PCDHA4: variants seen among roughly 807,000 people sequenced by gnomAD.
PCDHA4 encodes the protein protocadherin alpha-4.
Under a neutral mutation model 61.4 loss-of-function variants are expected in PCDHA4, and 49 were observed. The ratio of observed to expected loss-of-function variants is 0.80; its 90% CI spans 0.63 to 1.01. The LOEUF (loss-of-function observed/expected upper bound fraction) is 1.01. Ranked by LOEUF, PCDHA4 falls within the 50% of genes least tolerant of loss-of-function variation. The pLI is 0.00. For synonymous variants in PCDHA4, 590 were observed against 550.3 expected, an observed-to-expected ratio of 1.07 and a Z score of -1.01; for missense variants, 1,254 against 1,235.8, an observed-to-expected ratio of 1.01 and a Z score of -0.22.
chr5:140,816,854 G>A (rs1273778767), intron 1 of PCDHA4: 8 of 151,924 alleles, frequency 5.3e-5, no homozygotes, highest in Non-Finnish European at 7.4e-5. Flanking sequence ...TGTACTGTGG[G>A]CCCTCTGGAG....
intron 3 of PCDHA4, among the ~76,000 whole-genome samples, chr5:140,991,953 G>A (rs545142966): frequency 3.9e-5 from 6 of 152,110 alleles, no homozygotes; most frequent in Non-Finnish European, 8.8e-5. Context: ...TTAGAATGCA[G>A]TCATTTTGGT....
chr5:140,869,043 A>G, intron 1 of PCDHA4: 2 of 1,530,132 alleles, frequency 1.3e-6, no homozygotes, highest in Non-Finnish European at 1.8e-6. Flanking sequence ...TTAACCTGAA[A>G]CTGAAGAATC....
At chr5:140,825,219 T>C (rs1394131939) in intron 1 of PCDHA4, 1 of 151,646 alleles carries the variant, frequency 6.6e-6, no homozygotes, top group East Asian at 1.9e-4. Flanking sequence ...AGTAGATTTG[T>C]TTTTCTTTTA....
chr5:140,985,975 G>A (rs2097182023), intron 3 of PCDHA4, among the ~76,000 whole-genome samples: 2 of 152,148 alleles, frequency 1.3e-5, no homozygotes, highest in South Asian at 2.1e-4. Flanking sequence ...TCCTGACCTC[G>A]TGATCCGCCC....
At chr5:140,884,461 G>C in intron 1 of PCDHA4, 3 of 1,613,764 alleles carry the variant, frequency 1.9e-6, no homozygotes, top group Non-Finnish European at 2.5e-6. Context: ...CCGAGGGCGC[G>C]TGCGCGCCGG....
intron 1 of PCDHA4, among the ~76,000 whole-genome samples, chr5:140,975,429 C>T (rs1006180121): frequency 2.6e-5 from 4 of 152,208 alleles, no homozygotes; most frequent in African/African-American, 9.6e-5. Flanking sequence ...AGGGTGTGCA[C>T]ACCAGGATAT....
intron 1 of PCDHA4, among the ~76,000 whole-genome samples, chr5:140,957,828 G>A (rs554121251): frequency 6.0e-5 from 9 of 150,668 alleles, no homozygotes; most frequent in Non-Finnish European, 1.2e-4. Context: ...AAGAGAAAGT[G>A]TTAATTGATT....
chr5:140,871,692 C>A, intron 1 of PCDHA4: 2 of 997,190 alleles, frequency 2.0e-6, no homozygotes, highest in Non-Finnish European at 2.9e-6. Flanking sequence ...AATCTGGCTT[C>A]TTTAACCAAT....
At chr5:140,890,697 C>G (rs1479609896) in intron 1 of PCDHA4, among the ~76,000 whole-genome samples, 1 of 152,124 alleles carries the variant, frequency 6.6e-6, no homozygotes, top group Non-Finnish European at 1.5e-5. Context: ...ATGCAGGGAC[C>G]TTACATTTTT....
chr5:141,001,324 C>G (rs1455380423), intron 3 of PCDHA4, among the ~76,000 whole-genome samples: 2 of 152,154 alleles, frequency 1.3e-5, no homozygotes, highest in Non-Finnish European at 1.5e-5. Flanking sequence ...TGCCAAACAT[C>G]ACCATAATTT....
In PCDHA4 at chr5:140,855,846, C is replaced by T. The variant is rs112115141; in HGVS notation, c.2385+46274C>T. ...CATGGAATCGTACTTACACCTAAAG[C>T]CACCGGATGTCGCTGTCGTCCACAA... is the stretch of plus-strand genomic sequence containing the variant. On this transcript the variant is annotated intron_variant, in intron 1 of 3. Coordinates refer to ENST00000530339, the MANE Select transcript of PCDHA4 (RefSeq NM_018907.4). The T allele has an allele frequency of 3.0e-3, 1,971 of 647,788 alleles. 109 individuals are homozygous for T. In the African/African-American group the frequency reaches 0.032, roughly 11 times the overall value. The allele number at this position is 647,788 out of a possible 1,614,324, so 40.1% of individuals were successfully genotyped here.
intron 1 of PCDHA4, chr5:140,969,117 A>C (rs1554231477): frequency 6.2e-7 from 1 of 1,614,178 alleles, no homozygotes; most frequent in Admixed American, 1.7e-5. Flanking sequence ...GTTCGAGGGA[A>C]TGGCTCCCTC....
intron 1 of PCDHA4, chr5:140,884,546 T>C (rs1554181711): frequency 6.2e-7 from 1 of 1,614,082 alleles, no homozygotes; most frequent in Non-Finnish European, 8.5e-7. Flanking sequence ...GAGGGTGTGC[T>C]CTGGGGAGGG....
chr5:140,928,068 C>T (rs1554205429), intron 1 of PCDHA4: 2 of 1,614,214 alleles, frequency 1.2e-6, no homozygotes, highest in Non-Finnish European at 1.7e-6. Context: ...CTTCCTTTGA[C>T]AACTACTACA....
intron 1 of PCDHA4, chr5:140,930,181 T>C (rs1170637205): frequency 2.0e-5 from 3 of 152,216 alleles, no homozygotes; most frequent in African/African-American, 7.2e-5. Flanking sequence ...AGAGGAAAGA[T>C]GAGTAATTTT....
At chr5:140,874,516 G>A (rs1307179066) in intron 1 of PCDHA4, among the ~76,000 whole-genome samples, 4 of 152,210 alleles carry the variant, frequency 2.6e-5, no homozygotes, top group Non-Finnish European at 5.9e-5. Context: ...CTTGACTTTA[G>A]TCAATGAGAT....
intron 1 of PCDHA4, chr5:140,841,205 T>G (rs1319319145): frequency 1.5e-6 from 2 of 1,339,602 alleles, no homozygotes; most frequent in African/African-American, 3.0e-5. Context: ...TGACAGCATC[T>G]GTCTCTAAAG....
chr5:140,822,214 C>A (rs2150114592), intron 1 of PCDHA4: 1 of 1,614,218 alleles, frequency 6.2e-7, no homozygotes. Context: ...GTCAAGAATG[C>A]CAGATTCGCG....
intron 3 of PCDHA4, among the ~76,000 whole-genome samples, chr5:141,007,339 T>C (rs2098316015): frequency 6.9e-6 from 1 of 143,904 alleles, no homozygotes; most frequent in Non-Finnish European, 1.5e-5. Context: ...TTGCCTGAGC[T>C]CAGGAGTTCG....
Sources: gnomAD v4.1 joint callset for allele counts (sites outside exome capture counted in the v4.1 genomes callset) on GRCh38, gnomAD v4.1.1 for gene constraint, MANE v1.5 for transcripts, NCBI Gene and HGNC (gene_info 2026-07-23, HGNC 2026-07-21) for gene names.